Variants in QRFPR observed in about 807,000 individuals in gnomAD.
The protein encoded by QRFPR is pyroglutamylated RF-amide peptide receptor.
Under a neutral mutation model 31.3 loss-of-function variants are expected in QRFPR, and 37 were observed. The ratio of observed to expected loss-of-function variants is 1.18; its 90% CI spans 0.91 to 1.56. QRFPR has a LOEUF of 1.56. Ranked by LOEUF, QRFPR falls within the 40% of genes most tolerant of loss-of-function variation. The pLI is 0.00. For synonymous variants in QRFPR, 197 were observed against 192.0 expected, an observed-to-expected ratio of 1.03 and a Z score of -0.22; for missense variants, 542 against 532.5, an observed-to-expected ratio of 1.02 and a Z score of -0.18.
intron 1 of QRFPR, among the ~76,000 whole-genome samples, chr4:121,371,708 G>C (rs1726250344): frequency 6.6e-6 from 1 of 152,174 alleles, no homozygotes; most frequent in African/African-American, 2.4e-5. Context: ...CACTCCACTA[G>C]ACATAAATGG....
intron 1 of QRFPR, among the ~76,000 whole-genome samples, chr4:121,373,571 T>C (rs1384876240): frequency 6.6e-6 from 1 of 152,222 alleles, no homozygotes; most frequent in Non-Finnish European, 1.5e-5. Flanking sequence ...ACTGTTGATT[T>C]TACACCAATC....
intron 2 of QRFPR, among the ~76,000 whole-genome samples, chr4:121,338,592 G>A (rs1725478788): frequency 6.6e-6 from 1 of 152,180 alleles, no homozygotes. Context: ...CTTCCAATAT[G>A]GCCCAGGGAA....
chr4:121,346,336 A>G (rs1725649960), intron 1 of QRFPR, among the ~76,000 whole-genome samples: 1 of 152,104 alleles, frequency 6.6e-6, no homozygotes, highest in African/African-American at 2.4e-5. Flanking sequence ...TCTTCCCAGC[A>G]CTTCCCTGCC....
At chr4:121,331,904 CG>C in intron 4 of QRFPR, among the ~76,000 whole-genome samples, 1 of 152,216 alleles carries the variant, frequency 6.6e-6, no homozygotes, top group Admixed American at 6.5e-5. Context: ...CCACCCACCT[CG>C]GCCCCCCAAA....
intron 1 of QRFPR, among the ~76,000 whole-genome samples, chr4:121,349,738 A>G (rs774440579): frequency 2.6e-4 from 39 of 152,256 alleles, no homozygotes; most frequent in Admixed American, 8.5e-4. Flanking sequence ...TAGGAAAGCC[A>G]GCATTTAAAA....
intron 3 of QRFPR, among the ~76,000 whole-genome samples, chr4:121,333,810 G>A (rs781371200): frequency 2.0e-5 from 3 of 151,954 alleles, no homozygotes; most frequent in Non-Finnish European, 2.9e-5. Flanking sequence ...CACTTTTTTG[G>A]GTAATAGGAA....
In QRFPR at chr4:121,380,874, A is replaced by C; in HGVS notation, c.-227T>G. 1 of 509,546 alleles carries C rather than the reference A, an allele frequency of 2.0e-6. No homozygotes were observed. Among genetic ancestry groups the C allele is most frequent in the East Asian group, 3.2e-5 (1 of 31,370 alleles). 31.6% of individuals were successfully genotyped at this position (509,546 alleles called of 1,614,324 possible). A position where few individuals can be genotyped will look rare whatever the true frequency, so the allele number is the denominator to read the frequency against. On this transcript the variant is annotated 5_prime_UTR_variant, in exon 1 of 6. Coordinates refer to ENST00000394427, the MANE Select transcript of QRFPR (RefSeq NM_198179.3). ...AGGCGGGAAGCCAAAGCACTGGGAG[A>C]CTCGATCTCAGTGACCAAAAAATGT...
At chr4:121,336,325 T>C (rs530614523) in intron 3 of QRFPR, among the ~76,000 whole-genome samples, 61 of 152,090 alleles carry the variant, frequency 4.0e-4, no homozygotes, top group African/African-American at 1.4e-3. Context: ...AGGAGAGAGG[T>C]TGATTAAGAT....
chr4:121,344,343 A>G (rs1169037070), intron 1 of QRFPR, among the ~76,000 whole-genome samples: 1 of 152,126 alleles, frequency 6.6e-6, no homozygotes, highest in Admixed American at 6.6e-5. Flanking sequence ...TTTCTTGTCT[A>G]CCTGCTCATA....
chr4:121,335,578 T>TGGGGGGGGGGGG (rs773427893), intron 3 of QRFPR, among the ~76,000 whole-genome samples: 1 of 4,236 alleles, frequency 2.4e-4, no homozygotes. Context: ...GTATGGGGGG[T>TGGGGGGGGGGGG]GGGGGGTGGG....
chr4:121,339,529 T>C (rs966355269), intron 2 of QRFPR, among the ~76,000 whole-genome samples: 1 of 152,134 alleles, frequency 6.6e-6, no homozygotes, highest in Admixed American at 6.5e-5. Context: ...TCCCCAGCAC[T>C]CAGAACCCAC....
intron 1 of QRFPR, among the ~76,000 whole-genome samples, chr4:121,351,887 A>G (rs1725767656): frequency 6.6e-6 from 1 of 151,812 alleles, no homozygotes; most frequent in Non-Finnish European, 1.5e-5. Flanking sequence ...GTATGCCAAT[A>G]TAATGCAAAT....
chr4:121,338,783 C>A (rs1371233118), intron 2 of QRFPR, among the ~76,000 whole-genome samples: 2 of 152,254 alleles, frequency 1.3e-5, no homozygotes, highest in East Asian at 3.9e-4. Context: ...ATTTTAAAAC[C>A]TTCTTGTTTC....
At chr4:121,335,201 A>T (rs1302784728) in intron 3 of QRFPR, among the ~76,000 whole-genome samples, 1 of 151,036 alleles carries the variant, frequency 6.6e-6, no homozygotes, top group African/African-American at 2.4e-5. Context: ...TTAAACATAT[A>T]AAAACACTTT....
chr4:121,331,236 G>A (rs1435516986), intron 4 of QRFPR, among the ~76,000 whole-genome samples: 1 of 131,572 alleles, frequency 7.6e-6, no homozygotes, highest in Non-Finnish European at 1.5e-5. Flanking sequence ...CCAGGCTGTA[G>A]AGGAGTGGTG....
At chr4:121,371,755 C>T (rs779761354) in intron 1 of QRFPR, among the ~76,000 whole-genome samples, 5 of 152,204 alleles carry the variant, frequency 3.3e-5, no homozygotes, top group Non-Finnish European at 5.9e-5. Flanking sequence ...GAGTACCTTC[C>T]TATGGAAGAA....
intron 1 of QRFPR, among the ~76,000 whole-genome samples, chr4:121,365,598 A>AT (rs1376460826): frequency 6.7e-3 from 42 of 6,254 alleles, no homozygotes; most frequent in African/African-American, 0.016. Context: ...TATTATATAT[A>AT]TATAATATAT....
At chr4:121,338,429 C>A (rs74398478) in intron 2 of QRFPR, among the ~76,000 whole-genome samples, 11,717 of 152,254 alleles carry the variant, frequency 0.077, 539 homozygotes, top group Non-Finnish European at 0.1. Flanking sequence ...CTTGTCCAAT[C>A]TGCATGTGGC....
At chr4:121,341,786 C>T (rs1725547460) in intron 1 of QRFPR, among the ~76,000 whole-genome samples, 1 of 152,082 alleles carries the variant, frequency 6.6e-6, no homozygotes, top group African/African-American at 2.4e-5. Flanking sequence ...TCTGAAACAC[C>T]TCTGGTCTCA....
Sources: allele counts gnomAD v4.1 joint callset (sites outside exome capture counted in the v4.1 genomes callset), GRCh38; gene constraint gnomAD v4.1.1; transcripts MANE v1.5; gene names NCBI Gene and HGNC (gene_info 2026-07-23, HGNC 2026-07-21).